HIVEP3: variants seen among roughly 807,000 people sequenced by gnomAD.
The protein encoded by HIVEP3 is HIVEP zinc finger 3.
In HIVEP3, 49 loss-of-function variants were observed where a neutral mutation model predicts 152.8. The observed-to-expected ratio is 0.32, with a 90% CI of 0.26 to 0.41. The LOEUF is 0.41. HIVEP3 is among the 10% of genes least tolerant of loss of function. The pLI is 1.00. For synonymous variants in HIVEP3, 1,269 were observed against 1,289.0 expected (o/e 0.98, Z 0.33); for missense variants, 2,790 against 3,103.3 (o/e 0.90, Z 2.40).
intron 5 of HIVEP3, among the ~76,000 whole-genome samples, chr1:41,531,594 G>A (rs181849978): frequency 9.9e-5 from 5 of 50,518 alleles, no homozygotes; most frequent in Non-Finnish European, 7.5e-5. Context: ...CAGGAGAGAT[G>A]GAGGACAGGG....
intron 1 of HIVEP3, among the ~76,000 whole-genome samples, chr1:41,957,229 GC>G (rs35106793): frequency 0.46 from 70,572 of 151,906 alleles, 17,114 homozygotes; most frequent in East Asian, 0.71. Context: ...TAAAAGTTTT[GC>G]CAGAATAATC....
Position 41,513,455 on chromosome 1 carries a change from C to T in HIVEP3, c.5766G>A (p.Glu1922=). The T allele has an allele frequency of 6.2e-7, 1 of 1,611,708 alleles. No individual in the cohort carries two copies. Among genetic ancestry groups the T allele is most frequent in the Non-Finnish European group, 8.5e-7 (1 of 1,179,636 alleles). ...ATRGSSVSEA[E]RLTASSCSMS... is the part of the protein sequence containing the mutation. ...TGGAGCAGCTGCTGGCTGTCAGGCG[C>T]TCAGCTTCCGAGACCGAGCTGCCTC... is the stretch of plus-strand genomic sequence containing the variant. The change falls in exon 8 of 9, where the codon GAG becomes GAA. Residue 1922 remains glutamate, a synonymous_variant. Coordinates refer to ENST00000372583, the MANE Select transcript of HIVEP3 (RefSeq NM_024503.5).
rs749988176 is a variant in HIVEP3, at chr1:41,582,205, C to G, written c.2593G>C (p.Asp865His). Residue 865 changes from aspartate to histidine, a missense_variant, in exon 4 of 9, where the codon GAC becomes CAC. This residue lies in a region of HIVEP3 where 1,078 missense variants were observed against 1,165.3 expected (regional missense o/e 0.93). Transcript: ENST00000372583. The surrounding 1 kb of genome is among the most constrained non-coding windows in gnomAD (Gnocchi z 4.7). ...GGCTCTGGCTCTGTGTCCGGCCGGT[C>G]AGGCTCCTCAGTTACTAGGATCTCA... is the stretch of plus-strand genomic sequence containing the variant. ...VPEILVTEEP[D>H]RPDTEPEPPP... 6 of 1,613,944 alleles carry G rather than the reference C, an allele frequency of 3.7e-6. No homozygotes were observed. Among genetic ancestry groups the G allele is most frequent in the Non-Finnish European group, 4.2e-6 (5 of 1,179,998 alleles).
chr1:41,749,338 T>C (rs1647120864), intron 1 of HIVEP3, among the ~76,000 whole-genome samples: 1 of 151,888 alleles, frequency 6.6e-6, no homozygotes, highest in Admixed American at 6.6e-5. Context: ...ATGCATATGA[T>C]TCCTGACCTG....
At chr1:41,763,042 G>A (rs915910977) in intron 1 of HIVEP3, among the ~76,000 whole-genome samples, 3 of 152,194 alleles carry the variant, frequency 2.0e-5, no homozygotes, top group East Asian at 1.9e-4. Flanking sequence ...TAATACAAAA[G>A]CCAGATGCCA....
In HIVEP3 at chr1:41,575,593, G is replaced by A. The variant is rs771904013; in HGVS notation, c.5158C>T (p.Pro1720Ser). 6.2e-7 allele frequency: 1 copy of A among 1,613,876 alleles called. No homozygotes were observed. The highest frequency in any genetic ancestry group is 1.1e-5 in the South Asian group (1 of 91,058). Residue 1720 changes from proline to serine, a missense_variant, in exon 5 of 9, where the codon CCT becomes TCT. Around this residue, in one of 9 missense-constraint regions of HIVEP3, gnomAD observed 1,078 missense variants for 1,165.3 expected, o/e 0.93. Coordinates refer to ENST00000372583, the MANE Select transcript of HIVEP3 (RefSeq NM_024503.5). ...ERRGEPEEDA[P>S]ASQRGEPARI... ...GCCGGCTCCCCTCTCTGGGAGGCAG[G>A]AGCATCCTCCTCCGGCTCCCCTCTC...
In HIVEP3 at chr1:41,510,470, C is replaced by T. The variant is rs760045015; in HGVS notation, c.7202G>A (p.Arg2401Lys). 6.6e-7 allele frequency: 1 copy of T among 1,526,260 alleles called. No individual in the cohort carries two copies. The highest frequency in any genetic ancestry group is 1.4e-5 in the African/African-American group (1 of 71,620). The allele number at this position is 1,526,260 out of a possible 1,614,324, so 94.5% of individuals were successfully genotyped here. ...PRAHPHQPED[R>K]VPPNA ...GAGAGGCTAAGCGTTGGGGGGAACC[C>T]TGTCCTCAGGCTGATGTGGATGTGC... The change falls in exon 9 of 9, where the codon AGG becomes AAG. Residue 2401 changes from arginine (R) to lysine (K), a missense_variant. Coordinates refer to ENST00000372583, the MANE Select transcript of HIVEP3 (RefSeq NM_024503.5).
intron 1 of HIVEP3, among the ~76,000 whole-genome samples, chr1:41,940,307 C>T (rs1407817025): frequency 6.6e-6 from 1 of 152,168 alleles, no homozygotes; most frequent in African/African-American, 2.4e-5. Context: ...CTACAGATTG[C>T]TAACATTCAA....
chr1:41,941,803 G>A (rs12060777), intron 1 of HIVEP3, among the ~76,000 whole-genome samples: 7,868 of 152,180 alleles, frequency 0.052, 715 homozygotes, highest in African/African-American at 0.18. Context: ...AGAAAACACC[G>A]TTTCTAAGCC....
chr1:41,670,743 C>G (rs541628566), intron 2 of HIVEP3, among the ~76,000 whole-genome samples: 1 of 152,196 alleles, frequency 6.6e-6, no homozygotes, highest in African/African-American at 2.4e-5. Flanking sequence ...TGAGCAGCAA[C>G]TTGAAGCAGG....
intron 2 of HIVEP3, among the ~76,000 whole-genome samples, chr1:41,670,049 AG>A (rs1442197553): frequency 6.6e-6 from 1 of 152,126 alleles, no homozygotes; most frequent in Non-Finnish European, 1.5e-5. Flanking sequence ...ACTCCCTGGG[AG>A]GGCCTCTTTG....
intron 1 of HIVEP3, among the ~76,000 whole-genome samples, chr1:41,986,011 A>G (rs956714123): frequency 3.9e-5 from 6 of 152,224 alleles, no homozygotes; most frequent in Non-Finnish European, 4.4e-5. Flanking sequence ...TAAGATCTTT[A>G]TAGACTAGGA....
At chr1:41,746,287 C>T (rs545348646) in intron 1 of HIVEP3, among the ~76,000 whole-genome samples, 3 of 152,234 alleles carry the variant, frequency 2.0e-5, no homozygotes, top group African/African-American at 7.2e-5. Context: ...ACTTCTCACA[C>T]CAACTTTCCA....
chr1:41,520,270 G>A (rs79166646), intron 6 of HIVEP3, among the ~76,000 whole-genome samples: 5,533 of 152,244 alleles, frequency 0.036, 130 homozygotes, highest in Non-Finnish European at 0.054. Context: ...GGGATGGGAG[G>A]GGAGCTGTTT....
intron 3 of HIVEP3, among the ~76,000 whole-genome samples, chr1:41,614,274 G>A (rs573420565): frequency 4.3e-4 from 66 of 152,376 alleles, no homozygotes; most frequent in African/African-American, 1.2e-3. Context: ...TGAGAGAGGC[G>A]TGTCAAGGGC....
Position 41,584,126 on chromosome 1 carries a change from G to A in HIVEP3, c.672C>T (p.Pro224=). 2 of 1,614,196 alleles carry A rather than the reference G, an allele frequency of 1.2e-6. No individual in the cohort carries two copies. Among genetic ancestry groups the A allele is most frequent in the Non-Finnish European group, 1.7e-6 (2 of 1,180,042 alleles). The change falls in exon 4 of 9, where the codon CCC becomes CCT. Residue 224 remains proline (P), a synonymous_variant. Transcript: ENST00000372583. This position sits in a 1 kb window ranked among gnomAD's most constrained non-coding sequence, Gnocchi z 5.2. ...TCTTGGTCTTGAAGGAGAAGCCACA[G>A]GGGCCGCAGGGGTAGGGCCTCTCAC... ...HTGERPYPCG[P]CGFSFKTKSN...
At chr1:41,699,514 C>A (rs898113416) in intron 2 of HIVEP3, among the ~76,000 whole-genome samples, 2 of 152,220 alleles carry the variant, frequency 1.3e-5, no homozygotes, top group African/African-American at 2.4e-5. Context: ...AGCATTGAAT[C>A]CTTACAGAAT....
rs1372027746 is a variant in HIVEP3, at chr1:41,782,593, G to A, written c.-800-81598C>T. Among the ~76,000 whole-genome samples, 6 of 152,072 alleles carry A rather than the reference G, an allele frequency of 3.9e-5. No homozygotes were observed. The East Asian group carries it at 7.7e-4, about 20-fold the overall frequency. ...CTAAAAATACAAAAATTAGCTGGGC[G>A]TGGTGGTGGGCACCTGTAATCCCAG... On this transcript the variant is annotated intron_variant, in intron 1 of 8. Transcript: ENST00000372583.
intron 5 of HIVEP3, among the ~76,000 whole-genome samples, chr1:41,547,471 A>G (rs1285586894): frequency 6.6e-6 from 1 of 152,140 alleles, no homozygotes; most frequent in Non-Finnish European, 1.5e-5. Flanking sequence ...ATGGCCCTGC[A>G]GGTGGAGGGG....
Sources: gnomAD v4.1 joint callset for allele counts (sites outside exome capture counted in the v4.1 genomes callset) on GRCh38, gnomAD v4.1.1 for gene constraint, gnomAD v4.1.1 regional missense constraint, Gnocchi (gnomAD v3.1) non-coding constraint, MANE v1.5 for transcripts, NCBI Gene and HGNC (gene_info 2026-07-23, HGNC 2026-07-21) for gene names.